RPL34: variants seen among roughly 807,000 people sequenced by gnomAD.
The protein encoded by RPL34 is large ribosomal subunit protein eL34.
Under a neutral mutation model 16.3 loss-of-function variants are expected in RPL34, and 2 were observed. The observed-to-expected ratio is 0.12, with a 90% confidence interval of 0.05 to 0.39. The LOEUF (loss-of-function observed/expected upper bound fraction) is 0.39, where lower values mean the gene tolerates loss of function less well. RPL34 is among the 10% of genes least tolerant of loss of function. The probability of loss-of-function intolerance (pLI) is 0.99; values close to 1 mark genes in which losing one functional copy is unlikely to be tolerated. For missense variants in RPL34, 82 were observed against 148.8 expected, an observed-to-expected ratio of 0.55 and a Z score of 2.33; for synonymous variants, 47 against 48.5, an observed-to-expected ratio of 0.97 and a Z score of 0.13.
In RPL34 at chr4:108,622,509, A is replaced by G. The variant is rs377508495; in HGVS notation, c.166-6A>G. On this transcript the variant is annotated splice_region_variant and splice_polypyrimidine_tract_variant and intron_variant, in intron 3 of 4. Coordinates refer to ENST00000394667, the MANE Select transcript of RPL34 (RefSeq NM_001319236.2). ...TCACAAAAATCTTAATATTTTTCTT[A>G]TGCAGGTTCGTGCTGTAAGACCTAA... 1 of 1,602,418 alleles carries G rather than the reference A, an allele frequency of 6.2e-7. No homozygotes were observed. Among genetic ancestry groups the G allele is most frequent in the Non-Finnish European group, 8.5e-7 (1 of 1,171,770 alleles).
At chr4:108,624,093 T>C (rs1398341140) in intron 4 of RPL34, among the ~76,000 whole-genome samples, 2 of 152,140 alleles carry the variant, frequency 1.3e-5, no homozygotes, top group African/African-American at 2.4e-5. Context: ...TCTAAAACTT[T>C]GCTGAACACA....
chr4:108,624,503 A>T (rs538362810), intron 4 of RPL34, among the ~76,000 whole-genome samples: 76 of 152,300 alleles, frequency 5.0e-4, no homozygotes, highest in Non-Finnish European at 7.1e-4. Context: ...AATGATAGTG[A>T]TCCATAAAAT....
chr4:108,625,255 T>TCC lies in RPL34; in HGVS notation c.*43_*44insCC. On this transcript the variant is annotated 3_prime_UTR_variant, in exon 5 of 5. Transcript: ENST00000394667. ...GAGTAATAAAAATGAAAAGACGCTG[T>TCC]ATGTATGACTTTTTTTTTTTCTGTT... 1 of 1,222,680 alleles carries TCC rather than the reference T, an allele frequency of 8.2e-7. No homozygotes were observed. Among genetic ancestry groups the TCC allele is most frequent in the Non-Finnish European group, 1.2e-6 (1 of 847,826 alleles). The allele number at this position is 1,222,680 out of a possible 1,614,324, so 75.7% of individuals were successfully genotyped here.
downstream of RPL34, among the ~76,000 whole-genome samples, chr4:108,627,864 A>C: frequency 6.6e-6 from 1 of 152,238 alleles, no homozygotes; most frequent in East Asian, 1.9e-4. Flanking sequence ...CTCAAAAAAA[A>C]AAAAAAAATT....
downstream of RPL34, among the ~76,000 whole-genome samples, chr4:108,626,078 T>C (rs186062536): frequency 3.9e-5 from 6 of 152,330 alleles, no homozygotes; most frequent in Non-Finnish European, 8.8e-5. Context: ...GTTTCTGATC[T>C]ACATTGGATT....
rs1725836741 is a variant in RPL34, at chr4:108,622,705, C to T, written c.269+87C>T. 5 of 749,940 alleles carry T rather than the reference C, an allele frequency of 6.7e-6. No homozygotes were observed. The South Asian group carries it at 1.0e-4, about 16-fold the overall frequency. The allele number at this position is 749,940 out of a possible 1,614,324, so 46.5% of individuals were successfully genotyped here. On this transcript the variant is annotated intron_variant, in intron 4 of 4. Transcript: ENST00000394667. The stretch of plus-strand genomic sequence containing the variant: ...TGATCAGTACAATGGTGAAGCAACT[C>T]ATTTTAAACCAGTTGCATGCTTTAG...
chr4:108,621,263 C>G (rs377313335), intron 1 of RPL34: 1 of 152,272 alleles, frequency 6.6e-6, no homozygotes, highest in Admixed American at 6.5e-5. Context: ...TTGGGTAGTT[C>G]CCTTAACGAA....
chr4:108,625,052 T>C, intron 4 of RPL34, 76 bp from the exon 5 acceptor site: 3 of 979,970 alleles, frequency 3.1e-6, no homozygotes, highest in Admixed American at 4.1e-5. Context: ...TTCTTTACCA[T>C]GTTTGCCTTC....
rs756352654 is a variant in RPL34 at position 108,622,179 on chromosome 4, G to T, written c.140G>T (p.Gly47Val). ...KVGKAPKSAC[G>V]VCPGRLRGVR... ...GGGAAAGCACCAAAATCTGCATGTG[G>T]TGTGTGCCCAGGCAGACTTCGAGGG... The change falls in exon 3 of 5, where the codon GGT becomes GTT. Residue 47 changes from glycine (G) to valine (V), a missense_variant. By Grantham distance (109) the Gly-to-Val change is moderately radical. Transcript: ENST00000394667. 6.2e-7 allele frequency: 1 copy of T among 1,612,246 alleles called. No homozygotes were observed. The highest frequency in any genetic ancestry group is 2.2e-5 in the East Asian group (1 of 44,868).
downstream of RPL34, among the ~76,000 whole-genome samples, chr4:108,627,752 A>G (rs754631182): frequency 2.0e-5 from 3 of 151,990 alleles, no homozygotes; most frequent in South Asian, 4.2e-4. Context: ...AATCCCAGCT[A>G]TCAGGAGAAT....
intron 4 of RPL34, among the ~76,000 whole-genome samples, chr4:108,624,153 C>G (rs1385557087): frequency 1.3e-5 from 2 of 152,092 alleles, no homozygotes; most frequent in Non-Finnish European, 2.9e-5. Flanking sequence ...GGCCTTATCT[C>G]CTGAAGATTT....
intron 3 of RPL34, 32 bp from the exon 4 acceptor site, chr4:108,622,482 CA>C: frequency 6.6e-7 from 1 of 1,513,138 alleles, no homozygotes; most frequent in Non-Finnish European, 9.2e-7. Context: ...TCTGTTAAAG[CA>C]TCACAAAAAT....
intron 4 of RPL34, among the ~76,000 whole-genome samples, chr4:108,623,748 G>C (rs1223490132): frequency 6.6e-6 from 1 of 152,148 alleles, no homozygotes; most frequent in East Asian, 1.9e-4. Flanking sequence ...CCAAATGCAG[G>C]CTTCATTCTG....
downstream of RPL34, among the ~76,000 whole-genome samples, chr4:108,626,542 G>T (rs1373571312): frequency 6.9e-6 from 1 of 144,774 alleles, no homozygotes; most frequent in Non-Finnish European, 1.5e-5. Context: ...TCCACCTCCT[G>T]GGTTCAAGCA....
At chr4:108,626,518 G>A (rs1056574713), downstream of RPL34, among the ~76,000 whole-genome samples, 2 of 136,572 alleles carry the variant, frequency 1.5e-5, no homozygotes, top group African/African-American at 5.4e-5. Flanking sequence ...GCTCGATTTC[G>A]GCTCACTGCA....
downstream of RPL34, among the ~76,000 whole-genome samples, chr4:108,629,009 G>A (rs888842129): frequency 1.3e-5 from 2 of 151,990 alleles, no homozygotes; most frequent in Non-Finnish European, 2.9e-5. Context: ...TAGTAGAGAC[G>A]GGTTCGCCAT....
downstream of RPL34, among the ~76,000 whole-genome samples, chr4:108,626,199 A>G (rs983857923): frequency 8.5e-5 from 13 of 152,170 alleles, no homozygotes; most frequent in African/African-American, 2.2e-4. Context: ...CTGGAGTGCA[A>G]TCTTGGCTTG....
At chr4:108,628,854 ACT>A (rs1726095630), downstream of RPL34, among the ~76,000 whole-genome samples, 1 of 152,126 alleles carries the variant, frequency 6.6e-6, no homozygotes, top group African/African-American at 2.4e-5. Context: ...ACAGAGTCTC[ACT>A]CTATCACCCA....
At chr4:108,624,936 C>T (rs1303974474) in intron 4 of RPL34, among the ~76,000 whole-genome samples, 192 bp from the exon 5 acceptor site, 2 of 152,122 alleles carry the variant, frequency 1.3e-5, no homozygotes, top group Non-Finnish European at 2.9e-5. Context: ...TAACTACTGG[C>T]ATGAAATTGA....
Sources: gnomAD v4.1 joint callset for allele counts (sites outside exome capture counted in the v4.1 genomes callset) on GRCh38, gnomAD v4.1.1 for gene constraint, MANE v1.5 for transcripts, NCBI Gene and HGNC (gene_info 2026-07-23, HGNC 2026-07-21) for gene names.